KAZN: variants seen among roughly 807,000 people sequenced by gnomAD.
The protein encoded by KAZN is kazrin.
In KAZN, 40 loss-of-function variants were observed where a neutral mutation model predicts 87.4. The ratio of observed to expected loss-of-function variants is 0.46; its 90% CI spans 0.36 to 0.60. The LOEUF (loss-of-function observed/expected upper bound fraction) is 0.60, where lower values mean the gene tolerates loss of function less well. KAZN is among the 20% of genes least tolerant of loss of function. KAZN has a pLI of 0.00. For synonymous variants in KAZN, 466 were observed against 458.3 expected (o/e 1.02, Z -0.22); for missense variants, 898 against 1,073.9 (o/e 0.84, Z 2.29).
chr1:14,045,924 A>G (rs757688453), intron 1 of KAZN, among the ~76,000 whole-genome samples: 1 of 152,210 alleles, frequency 6.6e-6, no homozygotes, highest in Non-Finnish European at 1.5e-5. Context: ...CTACACACAA[A>G]TAAGTGTGAT....
At chr1:13,957,266 A>T (rs1641583137) in intron 1 of KAZN, among the ~76,000 whole-genome samples, 1 of 152,172 alleles carries the variant, frequency 6.6e-6, no homozygotes, top group South Asian at 2.1e-4. Flanking sequence ...AAATAAAATG[A>T]TATATGCAGA....
chr1:13,928,858 T>TC (rs1461091491), intron 1 of KAZN, among the ~76,000 whole-genome samples: 3 of 149,414 alleles, frequency 2.0e-5, no homozygotes, highest in African/African-American at 7.4e-5. Context: ...TTTTTTTTTT[T>TC]CCCTGATCTC....
intron 1 of KAZN, among the ~76,000 whole-genome samples, chr1:14,869,370 A>G (rs1234946768): frequency 1.3e-5 from 2 of 152,192 alleles, no homozygotes; most frequent in Non-Finnish European, 2.9e-5. Flanking sequence ...GCCTCAACGC[A>G]GGGGCTGTGA....
intron 2 of KAZN, among the ~76,000 whole-genome samples, chr1:14,269,129 A>C (rs1651720786): frequency 1.3e-5 from 2 of 152,180 alleles, no homozygotes; most frequent in South Asian, 4.1e-4. Context: ...AATTTTCAAC[A>C]GGGATGATAT....
chr1:15,055,375 G>A (rs1014483550), intron 4 of KAZN, among the ~76,000 whole-genome samples: 1 of 152,186 alleles, frequency 6.6e-6, no homozygotes, highest in African/African-American at 2.4e-5. Context: ...TACACGTGAG[G>A]TTGAGGCAGG....
chr1:14,004,926 A>C (rs1054251201), intron 1 of KAZN, among the ~76,000 whole-genome samples: 4 of 151,816 alleles, frequency 2.6e-5, no homozygotes, highest in Non-Finnish European at 5.9e-5. Flanking sequence ...GCATGTTAGT[A>C]CACTCAGCCC....
At chr1:14,053,200 T>C (rs192765260) in intron 1 of KAZN, among the ~76,000 whole-genome samples, 1 of 152,292 alleles carries the variant, frequency 6.6e-6, no homozygotes. Flanking sequence ...AGTGGCCATG[T>C]TGTGAGAGAG....
chr1:14,830,427 C>G (rs1055059710), intron 1 of KAZN, among the ~76,000 whole-genome samples: 2 of 152,142 alleles, frequency 1.3e-5, no homozygotes, highest in African/African-American at 4.8e-5. Context: ...GAGTCAGGTG[C>G]CCAGCCCTCA....
intron 1 of KAZN, among the ~76,000 whole-genome samples, chr1:14,730,318 G>A (rs1220911001): frequency 6.6e-6 from 1 of 152,164 alleles, no homozygotes; most frequent in Non-Finnish European, 1.5e-5. Flanking sequence ...TCCTGACCTT[G>A]TAATCCGCCC....
chr1:13,936,978 G>GT (rs1307335879), intron 1 of KAZN, among the ~76,000 whole-genome samples: 3 of 146,028 alleles, frequency 2.1e-5, no homozygotes, highest in African/African-American at 5.5e-5. Flanking sequence ...TTTTATGTAT[G>GT]TTTTTTGGCC....
At chr1:14,423,837 C>G (rs1262306965) in intron 2 of KAZN, among the ~76,000 whole-genome samples, 1 of 152,104 alleles carries the variant, frequency 6.6e-6, no homozygotes. Context: ...TACAAATTCT[C>G]CTCTGAGAAG....
intron 5 of KAZN, 21 bp from the exon 6 acceptor site, chr1:15,060,151 C>T: frequency 1.2e-6 from 2 of 1,613,880 alleles, no homozygotes; most frequent in Non-Finnish European, 1.7e-6. Context: ...CCCTCACTCA[C>T]CAGCTGTCCC....
intron 2 of KAZN, among the ~76,000 whole-genome samples, chr1:14,572,921 T>C (rs546308463): frequency 6.6e-6 from 1 of 152,336 alleles, no homozygotes; most frequent in African/African-American, 2.4e-5. Flanking sequence ...TTCTGGACAT[T>C]GCTGAGTCAA....
intron 2 of KAZN, among the ~76,000 whole-genome samples, chr1:14,589,356 G>T (rs952011908): frequency 6.6e-6 from 1 of 150,690 alleles, no homozygotes; most frequent in East Asian, 2.0e-4. Flanking sequence ...GGGAGGGGGG[G>T]CAGTCAATTA....
chr1:14,337,391 G>C (rs1479359528), intron 2 of KAZN, among the ~76,000 whole-genome samples: 1 of 152,216 alleles, frequency 6.6e-6, no homozygotes, highest in African/African-American at 2.4e-5. Context: ...CATGGCAATA[G>C]TTTACAAGTT....
intron 2 of KAZN, among the ~76,000 whole-genome samples, chr1:15,006,004 A>G (rs941222591): frequency 6.6e-6 from 1 of 152,114 alleles, no homozygotes; most frequent in Non-Finnish European, 1.5e-5. Flanking sequence ...GGAAACTTGA[A>G]GATCAGAACT....
At chr1:13,910,935 C>T (rs775857690) in intron 1 of KAZN, among the ~76,000 whole-genome samples, 1 of 152,026 alleles carries the variant, frequency 6.6e-6, no homozygotes, top group Non-Finnish European at 1.5e-5. Flanking sequence ...TCTTCTGTTT[C>T]TGGGAAGTCC....
At chr1:14,758,969 A>C (rs1644657265) in intron 1 of KAZN, among the ~76,000 whole-genome samples, 1 of 152,110 alleles carries the variant, frequency 6.6e-6, no homozygotes, top group Non-Finnish European at 1.5e-5. Context: ...GGAGAGAGAG[A>C]GGAAGAGAGA....
intron 1 of KAZN, among the ~76,000 whole-genome samples, chr1:14,130,321 G>A (rs186599795): frequency 7.2e-5 from 11 of 152,244 alleles, no homozygotes; most frequent in Non-Finnish European, 1.3e-4. Context: ...GTGTGTTCCC[G>A]CTAACCATGC....
Sources: gnomAD v4.1 joint callset for allele counts (sites outside exome capture counted in the v4.1 genomes callset) on GRCh38, gnomAD v4.1.1 for gene constraint, MANE v1.5 for transcripts, NCBI Gene and HGNC (gene_info 2026-07-23, HGNC 2026-07-21) for gene names.